Variants in MYLK3 observed in about 807,000 individuals in gnomAD.
The protein encoded by MYLK3 is MLC kinase.
Under a neutral mutation model 76.3 loss-of-function variants are expected in MYLK3, and 55 were observed. The observed-to-expected ratio is 0.72, with a 90% CI of 0.58 to 0.90. The LOEUF (loss-of-function observed/expected upper bound fraction) is 0.90. Ranked by LOEUF, MYLK3 falls within the 40% of genes least tolerant of loss-of-function variation. The pLI is 0.00. For missense variants in MYLK3, 973 were observed against 1,053.6 expected, an observed-to-expected ratio of 0.92 and a Z score of 1.06; for synonymous variants, 416 against 425.4, an observed-to-expected ratio of 0.98 and a Z score of 0.27.
rs762767225 is a variant in MYLK3, at chr16:46,727,332, G to A, written c.1818C>T (p.Tyr606=). 6.2e-7 allele frequency: 1 copy of A among 1,613,846 alleles called. No individual in the cohort carries two copies. The highest frequency in any genetic ancestry group is 8.5e-7 in the Non-Finnish European group (1 of 1,179,738). ...ELFDRITDEK[Y]HLTELDVVLF... is the part of the protein sequence containing the mutation. Reference sequence around the variant, plus strand: ...GGACCACATCCAGCTCAGTCAGGTGGTACTTCTCATCTGTGATCCGGTCGA... The same window carrying A: ...GGACCACATCCAGCTCAGTCAGGTGATACTTCTCATCTGTGATCCGGTCGA... Residue 606 remains tyrosine, a synonymous_variant, in exon 8 of 13, where the codon TAC becomes TAT. Transcript: ENST00000394809.
At chr16:46,763,066 A>T (rs1482540394) in exon 1 of MYLK3, 36 of 985,404 alleles carry the variant, frequency 3.7e-5, no homozygotes, top group Non-Finnish European at 4.3e-5. Flanking sequence ...GTCCCAAGGG[A>T]TCTGTCCAAA....
intron 7 of MYLK3, 31 bp downstream of exon 7, chr16:46,728,993 C>G: frequency 6.5e-7 from 1 of 1,550,106 alleles, no homozygotes; most frequent in Non-Finnish European, 8.9e-7. Flanking sequence ...CTGGCTTGAG[C>G]CGAGGCGGCC....
At chr16:46,737,621 T>C (rs968306907) in intron 3 of MYLK3, 90 bp downstream of exon 3, 15 of 1,262,834 alleles carry the variant, frequency 1.2e-5, no homozygotes, top group African/African-American at 1.5e-5. Flanking sequence ...CCCAGGAACA[T>C]GTATGCAGTG....
intron 8 of MYLK3, among the ~76,000 whole-genome samples, chr16:46,725,235 G>A (rs1406224643): frequency 6.6e-6 from 1 of 152,140 alleles, no homozygotes; most frequent in Non-Finnish European, 1.5e-5. Context: ...TTTGCAAATA[G>A]AGACAGTTTT....
At chr16:46,712,899 A>G (rs1478684218) in intron 9 of MYLK3, 123 bp from the exon 10 acceptor site, 2 of 918,492 alleles carry the variant, frequency 2.2e-6, no homozygotes, top group East Asian at 6.2e-5. Context: ...CCTGGACTCC[A>G]CACCCACATT....
At position 46,738,062 on chromosome 16, in the gene MYLK3, G is replaced by T. The variant is rs1414093128; in HGVS notation, c.650C>A (p.Ala217Asp). 1 of 1,606,744 alleles carries T rather than the reference G, an allele frequency of 6.2e-7. No individual in the cohort carries two copies. Among genetic ancestry groups the T allele is most frequent in the Non-Finnish European group, 8.5e-7 (1 of 1,177,782 alleles). ...CTGGCCCGGTGAGACCACTGCCTGG[G>T]CGGGGTCAGCTCCCAGCCCTGACGC... The part of the protein sequence containing the change: ...IRASGLGADP[A>D]QAVVSPGQGD... The change falls in exon 3 of 13, where the codon GCC becomes GAC. Residue 217 changes from alanine to aspartate, a missense_variant. Physicochemically the swap from Ala to Asp is moderately radical, Grantham distance 126. Around this residue, in one of 2 missense-constraint regions of MYLK3, gnomAD observed 641 missense variants for 637.0 expected, o/e 1.01. Transcript: ENST00000394809.
intron 1 of MYLK3, among the ~76,000 whole-genome samples, chr16:46,745,418 G>A (rs1039958902): frequency 3.3e-5 from 5 of 152,112 alleles, no homozygotes; most frequent in African/African-American, 1.2e-4. Flanking sequence ...AGAAATCGGG[G>A]CCAGGACAAT....
chr16:46,729,150 G>A lies in MYLK3; in HGVS notation c.1663-17C>T, dbSNP rs748765502. The stretch of plus-strand genomic sequence containing the variant: ...CACGTCCTCCTTGGGGGAACCAGAG[G>A]ACAGAAGGATTTCCAAGCGAATGAG... On this transcript the variant is annotated splice_polypyrimidine_tract_variant and intron_variant, in intron 6 of 12. Transcript: ENST00000394809. 6.2e-7 allele frequency: 1 copy of A among 1,603,382 alleles called. No individual in the cohort carries two copies.
In MYLK3 at chr16:46,710,800, G is replaced by C. The variant is rs767786460; in HGVS notation, c.2115-11C>G. ...GACAAGCCACTGAGTCTATAGAAGA[G>C]AGAAAGGACCATCAGTAGGTGGAGG... On this transcript the variant is annotated splice_polypyrimidine_tract_variant and intron_variant, in intron 10 of 12. Coordinates refer to ENST00000394809, the MANE Select transcript of MYLK3 (RefSeq NM_182493.3). 2.9e-5 allele frequency: 47 copies of C among 1,613,898 alleles called. No homozygotes were observed. Among genetic ancestry groups the C allele is most frequent in the East Asian group, 2.2e-4 (10 of 44,898 alleles).
chr16:46,740,529 ATACATACATATATATATATATATT>A (rs1001190095), intron 1 of MYLK3, among the ~76,000 whole-genome samples: 2 of 35,740 alleles, frequency 5.6e-5, no homozygotes, highest in African/African-American at 1.5e-4. Flanking sequence ...ATATATATAT[ATACATACATATATATATATATATT>A]TTTTTTTTTT....
At chr16:46,714,070 T>A (rs2143012895) in intron 9 of MYLK3, among the ~76,000 whole-genome samples, 1 of 152,278 alleles carries the variant, frequency 6.6e-6, no homozygotes, top group South Asian at 2.1e-4. Flanking sequence ...AGTTTAAGGC[T>A]AGGAAGAGAG....
intron 3 of MYLK3, among the ~76,000 whole-genome samples, chr16:46,733,800 G>A (rs2143015272): frequency 6.6e-6 from 1 of 152,292 alleles, no homozygotes; most frequent in African/African-American, 2.4e-5. Flanking sequence ...AGTCTCAGCA[G>A]GGAGGCAGGT....
At chr16:46,731,682 G>T (rs897725459) in intron 4 of MYLK3, among the ~76,000 whole-genome samples, 2 of 152,168 alleles carry the variant, frequency 1.3e-5, no homozygotes, top group African/African-American at 4.8e-5. Context: ...GGTGGGAATG[G>T]CTGACAGTGG....
intron 1 of MYLK3, 41 bp downstream of exon 1, chr16:46,747,676 G>T: frequency 1.3e-6 from 2 of 1,573,108 alleles, no homozygotes; most frequent in Non-Finnish European, 1.7e-6. Flanking sequence ...CACCAGGGCC[G>T]GGGCCTCCCA....
Position 46,712,231 on chromosome 16 carries a change from A to G in MYLK3, c.2114+417T>C, listed in dbSNP as rs950389798. On this transcript the variant is annotated intron_variant, in intron 10 of 12. Transcript: ENST00000394809. ...GGTCTTGAACTCTTTGGCTCAAGCA[A>G]TCCTCCCACCTTGGCCTCCCAAAGT... 2.6e-5 allele frequency among the ~76,000 whole-genome samples: 4 copies of G among 151,920 alleles called. No individual in the cohort carries two copies. The East Asian group carries it at 5.8e-4, about 22-fold the overall frequency.
At chr16:46,710,943 T>A (rs1344865767) in intron 10 of MYLK3, 154 bp from the exon 11 acceptor site, 1 of 803,864 alleles carries the variant, frequency 1.2e-6, no homozygotes, top group African/African-American at 1.7e-5. Context: ...CAGGATGGAG[T>A]CCAGTGTGTT....
rs151309458 is a variant in MYLK3 at position 46,758,401 on chromosome 16, G to A, written c.-114+4639C>T. ...GACGGGAAGGAGAGACAGGGCTGTC[G>A]GCTTCTGTACGCACTCACAGCCCCT... On this transcript the variant is annotated intron_variant, in intron 1 of 11. Coordinates refer to the MYLK3 transcript ENST00000536476. 4.0e-3 allele frequency among the ~76,000 whole-genome samples: 606 copies of A among 150,580 alleles called. 2 individuals are homozygous for A. Among genetic ancestry groups the A allele is most frequent in the Non-Finnish European group, 5.7e-3 (385 of 67,824 alleles).
chr16:46,754,164 G>C (rs1022355827), intron 1 of MYLK3, among the ~76,000 whole-genome samples: 3 of 152,124 alleles, frequency 2.0e-5, no homozygotes, highest in Non-Finnish European at 4.4e-5. Flanking sequence ...GTTTGACAAT[G>C]AGTCCAGCTA....
chr16:46,732,184 TAGCCAGGC>T lies in MYLK3; in HGVS notation c.1462+16_1462+23del. Reference sequence around the variant, plus strand: ...ACTCCCTCCCCTCAGGGCTCGTGTCTAGCCAGGCAACAGCCCCACTTACCCAGAACCAC... The same window carrying T: ...ACTCCCTCCCCTCAGGGCTCGTGTCTAACAGCCCCACTTACCCAGAACCAC... On this transcript the variant is annotated intron_variant, in intron 4 of 12. Coordinates refer to ENST00000394809, the MANE Select transcript of MYLK3 (RefSeq NM_182493.3). 2.6e-6 allele frequency: 4 copies of T among 1,545,866 alleles called. No homozygotes were observed. In the South Asian group the frequency reaches 4.8e-5, roughly 19 times the overall value.
Sources: gnomAD v4.1 joint callset for allele counts (sites outside exome capture counted in the v4.1 genomes callset) on GRCh38, gnomAD v4.1.1 for gene constraint, gnomAD v4.1.1 regional missense constraint, MANE v1.5 for transcripts, NCBI Gene and HGNC (gene_info 2026-07-23, HGNC 2026-07-21) for gene names.